Variants in BEND6 observed in about 807,000 individuals in gnomAD.
BEND6 encodes the protein BEN domain-containing protein 6.
BEND6 carries 24 observed loss-of-function variants against 31.8 expected under a neutral mutation model. The ratio of observed to expected loss-of-function variants is 0.75; its 90% CI spans 0.55 to 1.06. The LOEUF (loss-of-function observed/expected upper bound fraction) is 1.06, where lower values mean the gene tolerates loss of function less well. Ranked by LOEUF, BEND6 falls within the 50% of genes least tolerant of loss-of-function variation. BEND6 has a pLI of 0.00. For synonymous variants in BEND6, 109 were observed against 114.6 expected, an observed-to-expected ratio of 0.95 and a Z score of 0.31; for missense variants, 294 against 327.4, an observed-to-expected ratio of 0.90 and a Z score of 0.79.
chr6:56,970,613 A>AT (rs1825659461), intron 1 of BEND6, among the ~76,000 whole-genome samples: 1 of 152,156 alleles, frequency 6.6e-6, no homozygotes, highest in South Asian at 2.1e-4. Context: ...CACATAGTGA[A>AT]TTTTTTTACT....
chr6:57,003,264 G>C (rs1827012343), intron 3 of BEND6, among the ~76,000 whole-genome samples: 1 of 152,116 alleles, frequency 6.6e-6, no homozygotes, highest in South Asian at 2.1e-4. Context: ...ACTTTGAAAG[G>C]CCAAGGCAGG....
chr6:57,012,317 G>A (rs1827376002), intron 3 of BEND6, among the ~76,000 whole-genome samples: 1 of 152,166 alleles, frequency 6.6e-6, no homozygotes, highest in African/African-American at 2.4e-5. Context: ...AAAAAAAGGA[G>A]AATATACTGT....
At chr6:56,967,436 A>G (rs1303458309) in intron 1 of BEND6, among the ~76,000 whole-genome samples, 1 of 152,100 alleles carries the variant, frequency 6.6e-6, no homozygotes, top group African/African-American at 2.4e-5. Flanking sequence ...AGCCGGGAGG[A>G]TAAATTCTCC....
At chr6:56,986,436 C>G (rs897870803) in intron 2 of BEND6, among the ~76,000 whole-genome samples, 1 of 151,146 alleles carries the variant, frequency 6.6e-6, no homozygotes, top group Admixed American at 6.6e-5. Context: ...AGACCTGTTT[C>G]CAGAAAATAA....
chr6:56,971,757 A>G (rs1356209159), intron 1 of BEND6, among the ~76,000 whole-genome samples: 1 of 152,120 alleles, frequency 6.6e-6, no homozygotes, highest in African/African-American at 2.4e-5. Flanking sequence ...TTGGCCGGCC[A>G]TTTGTATATC....
chr6:57,022,603 A>G (rs534838215), intron 6 of BEND6, among the ~76,000 whole-genome samples: 2 of 151,070 alleles, frequency 1.3e-5, no homozygotes, highest in South Asian at 4.2e-4. Context: ...GGTTTTTTAA[A>G]TCTCCTTTTT....
At chr6:56,972,567 AT>A (rs1257015465) in intron 1 of BEND6, among the ~76,000 whole-genome samples, 1 of 152,246 alleles carries the variant, frequency 6.6e-6, no homozygotes, top group Non-Finnish European at 1.5e-5. Flanking sequence ...TTACAGTTTT[AT>A]TTCATACACT....
rs1028943214 is a variant in BEND6 at position 56,956,751 on chromosome 6, CAT to C, written c.-101+1294_-101+1295del. 1.1e-4 allele frequency among the ~76,000 whole-genome samples: 17 copies of C among 152,338 alleles called. No individual in the cohort carries two copies. In the South Asian group the frequency reaches 2.9e-3, roughly 26 times the overall value. On this transcript the variant is annotated intron_variant, in intron 1 of 6. Coordinates refer to ENST00000370746, the MANE Select transcript of BEND6 (RefSeq NM_152731.3). ...GTGACAGGTAGCACTACATCATGTG[CAT>C]ATGGCTAAAGGTTTCTTGATACCGC...
At chr6:57,002,917 T>A (rs550099995) in intron 3 of BEND6, among the ~76,000 whole-genome samples, 1 of 152,020 alleles carries the variant, frequency 6.6e-6, no homozygotes, top group East Asian at 1.9e-4. Flanking sequence ...AAACTAAAAG[T>A]TTGTTCTTTG....
chr6:56,989,520 C>G (rs1826413384), intron 2 of BEND6, among the ~76,000 whole-genome samples: 1 of 152,184 alleles, frequency 6.6e-6, no homozygotes, highest in Admixed American at 6.5e-5. Flanking sequence ...GTAAACTTTA[C>G]AAGATAATGT....
At chr6:56,967,688 T>C (rs1388509746) in intron 1 of BEND6, among the ~76,000 whole-genome samples, 2 of 152,076 alleles carry the variant, frequency 1.3e-5, no homozygotes, top group African/African-American at 4.8e-5. Flanking sequence ...CCAGTCTCTG[T>C]GGGAATGGTA....
At chr6:56,980,001 T>C (rs147069996) in intron 1 of BEND6, among the ~76,000 whole-genome samples, 4 of 152,330 alleles carry the variant, frequency 2.6e-5, no homozygotes, top group East Asian at 1.9e-4. Context: ...AAAATGGAGA[T>C]GCATCACAAC....
chr6:57,004,300 G>C (rs1421638414), intron 3 of BEND6, among the ~76,000 whole-genome samples: 1 of 151,214 alleles, frequency 6.6e-6, no homozygotes, highest in Non-Finnish European at 1.5e-5. Context: ...ACATCTCCTC[G>C]AAACGATAAC....
At chr6:57,015,484 C>A in intron 4 of BEND6, 131 bp downstream of exon 4, 3 of 963,270 alleles carry the variant, frequency 3.1e-6, no homozygotes, top group Non-Finnish European at 4.5e-6. Context: ...AGGAATATTA[C>A]AATTCTTAAG....
At chr6:56,974,202 T>A (rs1015552251) in intron 1 of BEND6, among the ~76,000 whole-genome samples, 4 of 152,046 alleles carry the variant, frequency 2.6e-5, no homozygotes, top group Non-Finnish European at 5.9e-5. Flanking sequence ...TGTGCGGTAA[T>A]GTAAGTCAAT....
chr6:57,003,139 C>G (rs1376902693), intron 3 of BEND6, among the ~76,000 whole-genome samples: 1 of 152,128 alleles, frequency 6.6e-6, no homozygotes, highest in Non-Finnish European at 1.5e-5. Context: ...CACACACTCT[C>G]CTAAGGTTGA....
intron 1 of BEND6, 68 bp from the exon 2 acceptor site, chr6:56,981,643 G>T: frequency 1.6e-6 from 1 of 620,616 alleles, no homozygotes; most frequent in South Asian, 2.0e-5. Flanking sequence ...TATCTGAGTG[G>T]CTAGTACCAT....
At chr6:57,003,131 C>G (rs1827008191) in intron 3 of BEND6, among the ~76,000 whole-genome samples, 2 of 152,090 alleles carry the variant, frequency 1.3e-5, no homozygotes, top group African/African-American at 4.8e-5. Context: ...CTTAGAAACA[C>G]ACACTCTCCT....
intron 3 of BEND6, chr6:57,008,569 T>TA: frequency 4.4e-6 from 1 of 225,274 alleles, no homozygotes; most frequent in Non-Finnish European, 8.5e-6. Context: ...CACCATCTCT[T>TA]AAAAAAAGAA....
Sources: allele counts gnomAD v4.1 joint callset (sites outside exome capture counted in the v4.1 genomes callset), GRCh38; gene constraint gnomAD v4.1.1; transcripts MANE v1.5; gene names NCBI Gene and HGNC (gene_info 2026-07-23, HGNC 2026-07-21).